CAPZA2: variants seen among roughly 807,000 people sequenced by gnomAD.
CAPZA2 encodes the protein capping actin protein of muscle Z-line subunit alpha 2.
CAPZA2 carries 13 observed loss-of-function variants against 44.0 expected under a neutral mutation model. The ratio of observed to expected loss-of-function variants is 0.30; its 90% CI spans 0.19 to 0.47. The LOEUF (loss-of-function observed/expected upper bound fraction) is 0.47. CAPZA2 is among the 20% of genes least tolerant of loss of function. The pLI is 1.00. For missense variants in CAPZA2, 244 were observed against 338.6 expected, an observed-to-expected ratio of 0.72 and a Z score of 2.19; for synonymous variants, 94 against 108.2, an observed-to-expected ratio of 0.87 and a Z score of 0.81.
In CAPZA2 at chr7:116,916,081, G is replaced by A; in HGVS notation, c.679G>A (p.Glu227Lys). 3 of 1,495,866 alleles carry A rather than the reference G, an allele frequency of 2.0e-6. No individual in the cohort carries two copies. Among genetic ancestry groups the A allele is most frequent in the Non-Finnish European group, 2.7e-6 (3 of 1,119,180 alleles). The allele number at this position is 1,495,866 out of a possible 1,614,324, so 92.7% of individuals were successfully genotyped here. ...TCAGAATGAAGTGCAAACAGCAAAA[G>A]AATTTATAAAGATTGTAGAAGCTGC... ...TVSNEVQTAK[E>K]FIKIVEAAEN... The change falls in exon 9 of 10, where the codon GAA becomes AAA. Residue 227 changes from glutamate to lysine, a missense_variant. Glu to Lys is a moderately conservative substitution (Grantham distance 56). Transcript: ENST00000361183.
chr7:116,892,963 T>A, intron 2 of CAPZA2, 31 bp from the exon 3 acceptor site: 1 of 1,490,816 alleles, frequency 6.7e-7, no homozygotes, highest in Non-Finnish European at 9.3e-7. Context: ...CATATAACAA[T>A]AATAATGTAG....
chr7:116,909,000 T>A (rs1162578965), intron 6 of CAPZA2, among the ~76,000 whole-genome samples: 1 of 152,180 alleles, frequency 6.6e-6, no homozygotes, highest in Non-Finnish European at 1.5e-5. Flanking sequence ...GGATTTCAAA[T>A]TTTTAAATAT....
At chr7:116,885,819 G>C (rs775038650) in intron 1 of CAPZA2, among the ~76,000 whole-genome samples, 2 of 152,138 alleles carry the variant, frequency 1.3e-5, no homozygotes, top group African/African-American at 4.8e-5. Context: ...CAGCTCTTCC[G>C]AAGCTCTCCA....
At chr7:116,914,161 G>GA (rs1791643059) in intron 8 of CAPZA2, among the ~76,000 whole-genome samples, 1 of 151,098 alleles carries the variant, frequency 6.6e-6, no homozygotes, top group Non-Finnish European at 1.5e-5. Context: ...CCGAGTAGCT[G>GA]GGACTACAGG....
At chr7:116,889,671 TC>T (rs1796805929) in intron 2 of CAPZA2, among the ~76,000 whole-genome samples, 1 of 151,904 alleles carries the variant, frequency 6.6e-6, no homozygotes. Flanking sequence ...ACCCTAGAAA[TC>T]CCTGAGGTCA....
At chr7:116,882,755 C>T (rs1340630873) in intron 1 of CAPZA2, among the ~76,000 whole-genome samples, 1 of 152,072 alleles carries the variant, frequency 6.6e-6, no homozygotes, top group African/African-American at 2.4e-5. Flanking sequence ...ATATTTCATA[C>T]CACATAATAT....
At chr7:116,889,346 C>CAG (rs1796801805) in intron 2 of CAPZA2, among the ~76,000 whole-genome samples, 1 of 152,160 alleles carries the variant, frequency 6.6e-6, no homozygotes, top group African/African-American at 2.4e-5. Context: ...CAGAGCTCTT[C>CAG]AGTTTCCGTT....
intron 2 of CAPZA2, among the ~76,000 whole-genome samples, chr7:116,891,070 A>G (rs1796841099): frequency 6.6e-6 from 1 of 152,318 alleles, no homozygotes; most frequent in East Asian, 1.9e-4. Context: ...TCTGAAATCT[A>G]CATTCCTTAC....
intron 2 of CAPZA2, 45 bp downstream of exon 2, chr7:116,888,235 CT>C: frequency 1.5e-6 from 2 of 1,331,164 alleles, no homozygotes; most frequent in Non-Finnish European, 1.1e-6. Flanking sequence ...ATCAAGCCCT[CT>C]TTTTAAAAGA....
intron 5 of CAPZA2, among the ~76,000 whole-genome samples, chr7:116,905,435 CCT>C (rs1342267714): frequency 2.0e-5 from 3 of 152,134 alleles, no homozygotes; most frequent in Non-Finnish European, 4.4e-5. Context: ...ACCCCTCCAA[CCT>C]AACTCTACCA....
intron 5 of CAPZA2, 56 bp from the exon 6 acceptor site, chr7:116,906,207 G>A: frequency 6.3e-7 from 1 of 1,581,092 alleles, no homozygotes; most frequent in Non-Finnish European, 8.5e-7. Flanking sequence ...GATTTTTAAA[G>A]TTGGACATTC....
chr7:116,865,172 CTCT>C (rs1419633236), intron 1 of CAPZA2, among the ~76,000 whole-genome samples: 2 of 126,006 alleles, frequency 1.6e-5, no homozygotes, highest in African/African-American at 6.5e-5. Flanking sequence ...ATTATGCGCT[CTCT>C]TCTTTTTTTT....
At chr7:116,863,040 G>T (rs891071750) in intron 1 of CAPZA2, among the ~76,000 whole-genome samples, 9 of 152,092 alleles carry the variant, frequency 5.9e-5, no homozygotes, top group African/African-American at 2.2e-4. Flanking sequence ...GTTTGCGTCC[G>T]TGCGTGGGAG....
chr7:116,879,776 A>G (rs930271865), intron 1 of CAPZA2, among the ~76,000 whole-genome samples: 13 of 152,122 alleles, frequency 8.5e-5, no homozygotes, highest in East Asian at 3.9e-4. Context: ...ACAGAATTGC[A>G]TTAGTGATAA....
chr7:116,862,778 C>T (rs1166811292), intron 1 of CAPZA2, 128 bp downstream of exon 1: 2 of 1,056,000 alleles, frequency 1.9e-6, no homozygotes, highest in Non-Finnish European at 2.7e-6. Flanking sequence ...TGCCCTTCCT[C>T]CCCCATCCTT....
At chr7:116,878,803 CACTTGAAAAT>C in intron 1 of CAPZA2, among the ~76,000 whole-genome samples, 1 of 152,082 alleles carries the variant, frequency 6.6e-6, no homozygotes, top group Admixed American at 6.5e-5. Context: ...AACATATAAT[CACTTGAAAAT>C]GTCTGTATTC....
intron 1 of CAPZA2, among the ~76,000 whole-genome samples, chr7:116,866,371 C>T (rs1234577311): frequency 6.6e-6 from 1 of 151,990 alleles, no homozygotes; most frequent in East Asian, 1.9e-4. Flanking sequence ...CGGGGTTTCA[C>T]CGTGTTAGCC....
intron 8 of CAPZA2, among the ~76,000 whole-genome samples, chr7:116,914,943 G>A (rs1791659456): frequency 6.6e-6 from 1 of 152,102 alleles, no homozygotes; most frequent in South Asian, 2.1e-4. Context: ...GACATAACAA[G>A]GGTATGGTGC....
chr7:116,903,962 A>G (rs1205689695), intron 4 of CAPZA2, among the ~76,000 whole-genome samples: 10 of 152,176 alleles, frequency 6.6e-5, no homozygotes. Flanking sequence ...TTATATTGGG[A>G]GAAAATCTGA....
Sources: allele counts gnomAD v4.1 joint callset (sites outside exome capture counted in the v4.1 genomes callset), GRCh38; gene constraint gnomAD v4.1.1; transcripts MANE v1.5; gene names NCBI Gene and HGNC (gene_info 2026-07-23, HGNC 2026-07-21).